The following DOCK9 variants were observed in gnomAD, a reference collection of about 807,000 sequenced individuals.
DOCK9 encodes dedicator of cytokinesis protein 9.
Under a neutral mutation model 263.3 loss-of-function variants are expected in DOCK9, and 89 were observed. That is an observed-to-expected ratio of 0.34 (90% CI 0.28 to 0.40). The LOEUF (loss-of-function observed/expected upper bound fraction) is 0.40. Among genes scored for constraint, DOCK9 ranks in the 10% least tolerant of loss-of-function variants. The pLI is 1.00. For synonymous variants in DOCK9, 976 were observed against 973.1 expected (o/e 1.00, Z -0.06); for missense variants, 2,140 against 2,603.4 (o/e 0.82, Z 3.87).
At chr13:99,028,572 G>A (rs1372003444) in intron 1 of DOCK9, among the ~76,000 whole-genome samples, 1 of 152,170 alleles carries the variant, frequency 6.6e-6, no homozygotes, top group East Asian at 1.9e-4. Flanking sequence ...GGGAGGGAAC[G>A]AGAACAAATT....
intron 47 of DOCK9, chr13:98,809,004 A>T: frequency 7.0e-6 from 9 of 1,292,406 alleles, no homozygotes; most frequent in Non-Finnish European, 9.4e-6. Context: ...TAAAATGTTA[A>T]TTTTTTTGGA....
chr13:98,868,031 A>C lies in DOCK9; in HGVS notation c.3091-20T>G. On this transcript the variant is annotated intron_variant, in intron 28 of 52. Transcript: ENST00000682017. Reference sequence around the variant, plus strand: ...ACATCTCTGTGGAGGAAAACAAGCAAAAAAGTTATTTCAGGTCCAAACATT... The same window carrying C: ...ACATCTCTGTGGAGGAAAACAAGCACAAAAGTTATTTCAGGTCCAAACATT... 1.2e-6 allele frequency: 2 copies of C among 1,609,496 alleles called. No individual in the cohort carries two copies. Among genetic ancestry groups the C allele is most frequent in the Non-Finnish European group, 1.7e-6 (2 of 1,177,576 alleles).
rs191628213 is a variant in DOCK9, at chr13:99,007,630, C to G, written c.130-52079G>C. Among the ~76,000 whole-genome samples, 220 of 152,264 alleles carry G rather than the reference C, an allele frequency of 1.4e-3. 2 individuals are homozygous for G. Among genetic ancestry groups the G allele is most frequent in the Admixed American group, 2.6e-3 (40 of 15,296 alleles). Reference sequence around the variant, plus strand: ...CTCAGAACAAACACATTCCAGCCCCCACAATGGAACATTTCAGAACTCTCC... The same window carrying G: ...CTCAGAACAAACACATTCCAGCCCCGACAATGGAACATTTCAGAACTCTCC... On this transcript the variant is annotated intron_variant, in intron 1 of 32. Transcript: ENST00000427887.
At chr13:99,028,012 A>G (rs1414412212) in intron 1 of DOCK9, among the ~76,000 whole-genome samples, 3 of 152,228 alleles carry the variant, frequency 2.0e-5, no homozygotes. Flanking sequence ...CTGTCTCCCC[A>G]AAGTAAGAAG....
intron 48 of DOCK9, among the ~76,000 whole-genome samples, chr13:98,807,253 T>C (rs1383833549): frequency 2.0e-5 from 3 of 152,190 alleles, no homozygotes; most frequent in Non-Finnish European, 4.4e-5. Context: ...GGCCTGTCCA[T>C]GTGTCCATTC....
chr13:99,024,246 C>T (rs1476192419), intron 1 of DOCK9, among the ~76,000 whole-genome samples: 2 of 152,124 alleles, frequency 1.3e-5, no homozygotes, highest in East Asian at 1.9e-4. Flanking sequence ...CAGGAAGCAC[C>T]CATGGCCCCA....
rs1239674749 is a variant in DOCK9 at position 98,882,901 on chromosome 13, A to C, written c.2559+141T>G. 3 of 669,516 alleles carry C rather than the reference A, an allele frequency of 4.5e-6. No individual in the cohort carries two copies. In the African/African-American group the frequency reaches 5.5e-5, roughly 12 times the overall value. The allele number at this position is 669,516 out of a possible 1,614,324, so 41.5% of individuals were successfully genotyped here. Reference sequence around the variant, plus strand: ...GTTCCTAGGTCCACTTCTTACCACTATCTAAACCTCATAGAAGCTACTGAT... The same window carrying C: ...GTTCCTAGGTCCACTTCTTACCACTCTCTAAACCTCATAGAAGCTACTGAT... On this transcript the variant is annotated intron_variant, in intron 23 of 52. Transcript: ENST00000682017.
At chr13:99,050,156 CA>C (rs1472482994) in intron 1 of DOCK9, among the ~76,000 whole-genome samples, 10 of 151,934 alleles carry the variant, frequency 6.6e-5, no homozygotes, top group Non-Finnish European at 1.3e-4. Context: ...AAAAACAAAT[CA>C]AAAATGGAAA....
rs190991512 is a variant in DOCK9 at position 98,977,817 on chromosome 13, G to A, written c.93C>T (p.Gly31=). ...GGCCCGGGCTCTCTGCTTCCACTTC[G>A]CCCTGAGCTGCATCCTTGTATTGCA... ...SPLQYKDAAQ[G]EVEAESPGPV... The change falls in exon 1 of 53, where the codon GGC becomes GGT. Residue 31 remains glycine, a synonymous_variant. Coordinates refer to ENST00000682017, the MANE Select transcript of DOCK9 (RefSeq NM_001366683.2). 318 of 1,610,642 alleles carry A rather than the reference G, an allele frequency of 2.0e-4. 2 individuals are homozygous for A. In the Admixed American group the frequency reaches 4.6e-3, roughly 23 times the overall value.
intron 1 of DOCK9, among the ~76,000 whole-genome samples, chr13:99,046,761 C>T (rs1268178020): frequency 1.3e-5 from 2 of 152,240 alleles, no homozygotes. Flanking sequence ...CTAGATCTAT[C>T]ACTTACTTTA....
intron 43 of DOCK9, 121 bp from the exon 44 acceptor site, chr13:98,827,008 G>A: frequency 1.6e-6 from 1 of 637,674 alleles, no homozygotes; most frequent in East Asian, 3.1e-5. Context: ...GCACCAGCTA[G>A]TATTTCTAAT....
chr13:99,008,235 T>TATATATATA (rs1491213376), intron 1 of DOCK9, among the ~76,000 whole-genome samples: 24 of 58,072 alleles, frequency 4.1e-4, no homozygotes, highest in South Asian at 2.8e-3. Flanking sequence ...TATATATATA[T>TATATATATA]TTTTTTTTTT....
rs1439510059 is a variant in DOCK9 at position 99,046,339 on chromosome 13, C to G, written c.129+39884G>C. 2.6e-5 allele frequency among the ~76,000 whole-genome samples: 4 copies of G among 152,194 alleles called. No homozygotes were observed. In the East Asian group the frequency reaches 7.7e-4, roughly 29 times the overall value. On this transcript the variant is annotated intron_variant, in intron 1 of 32. Coordinates refer to the DOCK9 transcript ENST00000427887. Reference sequence around the variant, plus strand: ...GCTTTGAGTAGGAGGATCCTTAACTCCAGGGCCATAACACATTGCACAACC... The same window carrying G: ...GCTTTGAGTAGGAGGATCCTTAACTGCAGGGCCATAACACATTGCACAACC...
At chr13:98,801,579 G>A (rs1268851173) in intron 49 of DOCK9, among the ~76,000 whole-genome samples, 28 of 151,974 alleles carry the variant, frequency 1.8e-4, no homozygotes, top group Admixed American at 1.8e-3. Context: ...AAAACAGCAG[G>A]TTCTCATTTA....
chr13:98,796,081 A>C, intron 52 of DOCK9: 1 of 700,378 alleles, frequency 1.4e-6, no homozygotes, highest in Non-Finnish European at 2.5e-6. Context: ...AATGTCCAGA[A>C]GAGGGTGCTT....
In DOCK9 at chr13:98,927,027, C is replaced by T. The variant is rs145553994; in HGVS notation, c.334-1108G>A. On this transcript the variant is annotated intron_variant, in intron 3 of 52. Transcript: ENST00000682017. The stretch of plus-strand genomic sequence containing the variant: ...GTAAGAATTACAACAGCAGCAAGTG[C>T]TTATTTTGTGCCAGGCTCTACAATA... Among the ~76,000 whole-genome samples, 601 of 152,334 alleles carry T rather than the reference C, an allele frequency of 3.9e-3. 4 individuals carry two copies. Among genetic ancestry groups the T allele is most frequent in the African/African-American group, 0.014 (575 of 41,582 alleles).
At position 98,848,585 on chromosome 13, in the gene DOCK9, A is replaced by G. The variant is rs778283720; in HGVS notation, c.4061+7T>C. 6.2e-7 allele frequency: 1 copy of G among 1,610,840 alleles called. No homozygotes were observed. Among genetic ancestry groups the G allele is most frequent in the Middle Eastern group, 1.7e-4 (1 of 6,056 alleles). On this transcript the variant is annotated splice_region_variant and intron_variant, in intron 37 of 52. Coordinates refer to ENST00000682017, the MANE Select transcript of DOCK9 (RefSeq NM_001366683.2). ...AACACGTTTCGAATGAAAACGCCCC[A>G]CAGTACCTGGCTATGTATCGCTTCC...
At chr13:98,931,881 A>T (rs2054006072) in intron 2 of DOCK9, among the ~76,000 whole-genome samples, 1 of 149,928 alleles carries the variant, frequency 6.7e-6, no homozygotes. Flanking sequence ...TACAGGTGTG[A>T]GCCACCACAC....
At chr13:98,885,559 T>G in intron 20 of DOCK9, 149 bp downstream of exon 20, 1 of 719,134 alleles carries the variant, frequency 1.4e-6, no homozygotes, top group African/African-American at 1.9e-5. Flanking sequence ...AAAAATTACA[T>G]ATGCAACCCA....
Sources: allele counts gnomAD v4.1 joint callset (sites outside exome capture counted in the v4.1 genomes callset), GRCh38; gene constraint gnomAD v4.1.1; transcripts MANE v1.5; gene names NCBI Gene and HGNC (gene_info 2026-07-23, HGNC 2026-07-21).